The following TMEM244 variants were observed in gnomAD, a reference collection of about 807,000 sequenced individuals.
TMEM244 encodes the protein putative transmembrane protein 244.
In TMEM244, 13 loss-of-function variants were observed where a neutral mutation model predicts 15.8. The observed-to-expected ratio is 0.82, with a 90% CI of 0.53 to 1.30. TMEM244 has a LOEUF of 1.30. TMEM244 is among the 50% of genes most tolerant of loss of function. The pLI is 0.00. For synonymous variants in TMEM244, 45 were observed against 48.7 expected (o/e 0.92, Z 0.32); for missense variants, 161 against 144.9 (o/e 1.11, Z -0.57).
intron 2 of TMEM244, among the ~76,000 whole-genome samples, chr6:129,845,046 G>GA (rs1157712675): frequency 6.6e-6 from 1 of 152,050 alleles, no homozygotes; most frequent in African/African-American, 2.4e-5. Context: ...AAAATTACCT[G>GA]AAAAATAATG....
intron 4 of TMEM244, among the ~76,000 whole-genome samples, chr6:129,831,995 C>G (rs9492391): frequency 0.52 from 78,170 of 151,738 alleles, 20,934 homozygotes; most frequent in African/African-American, 0.57. Context: ...GAAACTGATA[C>G]TAGGTGATGA....
At chr6:129,831,884 A>G (rs1355153358) in intron 4 of TMEM244, among the ~76,000 whole-genome samples, 1 of 152,164 alleles carries the variant, frequency 6.6e-6, no homozygotes, top group Non-Finnish European at 1.5e-5. Context: ...CTTGCAGAAA[A>G]AATTAAGCCC....
chr6:129,847,281 A>C (rs78096621), intron 1 of TMEM244, among the ~76,000 whole-genome samples: 2 of 152,164 alleles, frequency 1.3e-5, no homozygotes, highest in African/African-American at 4.8e-5. Flanking sequence ...AGAAATGCTC[A>C]GTTTACTCAG....
At chr6:129,851,646 C>T (rs1030533740) in intron 1 of TMEM244, among the ~76,000 whole-genome samples, 1 of 151,970 alleles carries the variant, frequency 6.6e-6, no homozygotes, top group Non-Finnish European at 1.5e-5. Context: ...AGTGAATAGC[C>T]CAAGGACACA....
chr6:129,857,132 T>C (rs1776723516), intron 1 of TMEM244, among the ~76,000 whole-genome samples: 2 of 152,058 alleles, frequency 1.3e-5, no homozygotes, highest in African/African-American at 4.8e-5. Context: ...TCTATTACCT[T>C]ACTAATTTTT....
intron 1 of TMEM244, among the ~76,000 whole-genome samples, chr6:129,858,217 A>G (rs1776746587): frequency 6.6e-6 from 1 of 152,120 alleles, no homozygotes; most frequent in Non-Finnish European, 1.5e-5. Flanking sequence ...AGGTGACAAC[A>G]TATTTCTTGT....
At chr6:129,837,436 G>A (rs1776424631) in intron 3 of TMEM244, among the ~76,000 whole-genome samples, 1 of 152,184 alleles carries the variant, frequency 6.6e-6, no homozygotes, top group Non-Finnish European at 1.5e-5. Flanking sequence ...ACTAAACATG[G>A]AAAGGAACAA....
intron 2 of TMEM244, 49 bp downstream of exon 2, chr6:129,845,718 T>C (rs755776898): frequency 7.7e-6 from 10 of 1,297,244 alleles, no homozygotes; most frequent in Non-Finnish European, 1.1e-5. Flanking sequence ...ACATCTTTCC[T>C]ATTCAATGTT....
At chr6:129,860,590 G>A (rs1039351352) in intron 1 of TMEM244, among the ~76,000 whole-genome samples, 2 of 152,102 alleles carry the variant, frequency 1.3e-5, no homozygotes, top group African/African-American at 4.8e-5. Context: ...CCTAAAGCCT[G>A]TATGAATTTA....
At chr6:129,854,595 T>TA (rs2114645889) in intron 1 of TMEM244, among the ~76,000 whole-genome samples, 1 of 152,252 alleles carries the variant, frequency 6.6e-6, no homozygotes, top group East Asian at 1.9e-4. Flanking sequence ...AGTCACCTCT[T>TA]ACAGATGAAA....
At chr6:129,832,168 G>C (rs1324506668) in intron 4 of TMEM244, among the ~76,000 whole-genome samples, 3 of 149,412 alleles carry the variant, frequency 2.0e-5, no homozygotes, top group African/African-American at 7.5e-5. Flanking sequence ...TGTGATCTCG[G>C]CTTACTGCAA....
At chr6:129,850,359 A>G (rs1200193420) in intron 1 of TMEM244, among the ~76,000 whole-genome samples, 1 of 152,158 alleles carries the variant, frequency 6.6e-6, no homozygotes, top group South Asian at 2.1e-4. Context: ...TATAGACTAG[A>G]GAGGGGCCAT....
chr6:129,858,320 A>G (rs1294594414), intron 1 of TMEM244, among the ~76,000 whole-genome samples: 1 of 152,158 alleles, frequency 6.6e-6, no homozygotes, highest in Non-Finnish European at 1.5e-5. Flanking sequence ...ACTTAGGAGA[A>G]TTCTTTTGTG....
chr6:129,835,786 G>A lies in TMEM244; in HGVS notation c.194-2201C>T, dbSNP rs144624539. On this transcript the variant is annotated intron_variant, in intron 3 of 4. Coordinates refer to ENST00000368143, the MANE Select transcript of TMEM244 (RefSeq NM_001010876.2). The stretch of plus-strand genomic sequence containing the variant: ...CTGGTTCGGCAGGTCCCACACCCAC[G>A]GAGCCTTGCTCACTGCTAGTGCAGC... Among the ~76,000 whole-genome samples, 599 of 152,264 alleles carry A rather than the reference G, an allele frequency of 3.9e-3. 9 individuals are homozygous for A. The highest frequency in any genetic ancestry group is 0.031 in the Admixed American group (481 of 15,290).
rs2063730414 is a variant in TMEM244 at position 129,837,437 on chromosome 6, A to C, written c.194-3852T>G. On this transcript the variant is annotated intron_variant, in intron 3 of 4. Coordinates refer to ENST00000368143, the MANE Select transcript of TMEM244 (RefSeq NM_001010876.2). The stretch of plus-strand genomic sequence containing the variant: ...GTACTGAAGGAAGCACTAAACATGG[A>C]AAGGAACAACAGGTACTAGCCACTG... 2.0e-5 allele frequency among the ~76,000 whole-genome samples: 3 copies of C among 152,214 alleles called. No homozygotes were observed. The South Asian group carries it at 6.2e-4, about 32-fold the overall frequency.
intron 3 of TMEM244, among the ~76,000 whole-genome samples, chr6:129,840,597 A>G (rs1776476214): frequency 6.6e-6 from 1 of 152,244 alleles, no homozygotes; most frequent in East Asian, 1.9e-4. Context: ...ATTAAACTAA[A>G]GAGCTTCTGC....
chr6:129,831,686 C>T (rs1392772873), intron 4 of TMEM244, among the ~76,000 whole-genome samples: 1 of 152,166 alleles, frequency 6.6e-6, no homozygotes, highest in Non-Finnish European at 1.5e-5. Flanking sequence ...TGCCTAGTTC[C>T]CTCAGGAATT....
At chr6:129,852,504 C>T (rs1776648611) in intron 1 of TMEM244, among the ~76,000 whole-genome samples, 1 of 152,090 alleles carries the variant, frequency 6.6e-6, no homozygotes, top group Admixed American at 6.6e-5. Flanking sequence ...GGGTCAAGGA[C>T]ATAGTTTCAG....
chr6:129,843,425 G>A (rs1439852658), intron 3 of TMEM244, 105 bp downstream of exon 3: 1 of 649,700 alleles, frequency 1.5e-6, no homozygotes, highest in African/African-American at 1.9e-5. Flanking sequence ...ATACATAGAT[G>A]ACTGCGAGAC....
Sources: gnomAD v4.1 joint callset for allele counts (sites outside exome capture counted in the v4.1 genomes callset) on GRCh38, gnomAD v4.1.1 for gene constraint, MANE v1.5 for transcripts, NCBI Gene and HGNC (gene_info 2026-07-23, HGNC 2026-07-21) for gene names.